Variants in TRIM44 observed in about 807,000 individuals in gnomAD.
The protein encoded by TRIM44 is tripartite motif containing 44.
TRIM44 carries 13 observed loss-of-function variants against 37.4 expected under a neutral mutation model. The ratio of observed to expected loss-of-function variants is 0.35; its 90% confidence interval spans 0.23 to 0.55. The LOEUF is 0.55. Ranked by LOEUF, TRIM44 falls within the 20% of genes least tolerant of loss-of-function variation. The probability of loss-of-function intolerance (pLI) is 0.89; values close to 1 mark genes in which losing one functional copy is unlikely to be tolerated. For missense variants in TRIM44, 426 were observed against 437.2 expected (o/e 0.97, Z 0.23); for synonymous variants, 175 against 157.2 (o/e 1.11, Z -0.85).
chr11:35,758,694 G>T (rs1241952719), intron 4 of TRIM44, among the ~76,000 whole-genome samples: 2 of 152,082 alleles, frequency 1.3e-5, no homozygotes, highest in Admixed American at 6.5e-5. Flanking sequence ...GGGCAGGCTT[G>T]TTGGTGACAA....
chr11:35,675,417 A>C (rs2135485737), intron 1 of TRIM44, among the ~76,000 whole-genome samples: 1 of 152,286 alleles, frequency 6.6e-6, no homozygotes, highest in African/African-American at 2.4e-5. Flanking sequence ...CAGAACCATG[A>C]AGTTACCAGA....
intron 4 of TRIM44, among the ~76,000 whole-genome samples, chr11:35,800,459 A>G (rs750984152): frequency 6.6e-6 from 1 of 152,054 alleles, no homozygotes; most frequent in Non-Finnish European, 1.5e-5. Flanking sequence ...TGATTCGTGC[A>G]TTTTTACAGA....
intron 4 of TRIM44, among the ~76,000 whole-genome samples, chr11:35,735,943 T>A (rs981932368): frequency 6.6e-6 from 1 of 152,208 alleles, no homozygotes; most frequent in Admixed American, 6.5e-5. Context: ...AAAAATGTTC[T>A]TTGTGCTTCT....
At chr11:35,784,085 AC>A (rs1467154650) in intron 4 of TRIM44, among the ~76,000 whole-genome samples, 2 of 152,148 alleles carry the variant, frequency 1.3e-5, no homozygotes, top group African/African-American at 4.8e-5. Context: ...ATGTGAACTC[AC>A]CTTTATGGCA....
At chr11:35,788,074 A>G (rs1314256612) in intron 4 of TRIM44, among the ~76,000 whole-genome samples, 1 of 152,066 alleles carries the variant, frequency 6.6e-6, no homozygotes, top group Admixed American at 6.6e-5. Flanking sequence ...CTGCATTTCT[A>G]CTGCTCCCCC....
In TRIM44 at chr11:35,788,094, A is replaced by G. The variant is rs116358327; in HGVS notation, c.1008-18264A>G. On this transcript the variant is annotated intron_variant, in intron 4 of 4. Transcript: ENST00000299413. ...TTTCTACTGCTCCCCCATGAACAGT[A>G]GAGCCACCAAGTTCCCCTTGGTCCT... Among the ~76,000 whole-genome samples, 1,441 of 152,282 alleles carry G rather than the reference A, an allele frequency of 9.5e-3. 29 individuals are homozygous for G. Among genetic ancestry groups the G allele is most frequent in the African/African-American group, 0.033 (1,360 of 41,548 alleles).
intron 4 of TRIM44, among the ~76,000 whole-genome samples, chr11:35,737,783 C>T (rs1852343755): frequency 6.6e-6 from 1 of 152,034 alleles, no homozygotes; most frequent in Admixed American, 6.6e-5. Flanking sequence ...TTGCAGTGAG[C>T]CGAGATTGTG....
chr11:35,670,820 G>A (rs1851385490), intron 1 of TRIM44, among the ~76,000 whole-genome samples: 1 of 152,166 alleles, frequency 6.6e-6, no homozygotes, highest in African/African-American at 2.4e-5. Context: ...TGTAAAGACT[G>A]GAGTAATATT....
chr11:35,724,745 G>C (rs1852149981), intron 2 of TRIM44, among the ~76,000 whole-genome samples: 1 of 152,112 alleles, frequency 6.6e-6, no homozygotes, highest in Admixed American at 6.5e-5. Context: ...TAATATATTT[G>C]CACCCATGAT....
rs186404455 is a variant in TRIM44, at chr11:35,772,717, C to A, written c.1008-33641C>A. Among the ~76,000 whole-genome samples, 3 of 152,308 alleles carry A rather than the reference C, an allele frequency of 2.0e-5. No individual in the cohort carries two copies. The East Asian group carries it at 5.8e-4, about 29-fold the overall frequency. On this transcript the variant is annotated intron_variant, in intron 4 of 4. Coordinates refer to ENST00000299413, the MANE Select transcript of TRIM44 (RefSeq NM_017583.6). Reference sequence around the variant, plus strand: ...AGGTAGAACTCAGTGTGCCTGTACCCCCATTGTATCTAGGAAGTAACTAAA... The same window carrying A: ...AGGTAGAACTCAGTGTGCCTGTACCACCATTGTATCTAGGAAGTAACTAAA...
chr11:35,799,511 A>C (rs148620645), intron 4 of TRIM44, among the ~76,000 whole-genome samples: 1 of 152,220 alleles, frequency 6.6e-6, no homozygotes, highest in East Asian at 1.9e-4. Context: ...CCATCTCTTC[A>C]TGGTAGGTGT....
At chr11:35,731,521 T>C (rs975202902) in intron 3 of TRIM44, among the ~76,000 whole-genome samples, 1 of 152,234 alleles carries the variant, frequency 6.6e-6, no homozygotes, top group African/African-American at 2.4e-5. Flanking sequence ...TATTGGTTTA[T>C]ATATTTTTAT....
rs939414512 is a variant in TRIM44, at chr11:35,814,574, C to T, written c.*8189C>T. 2.0e-5 allele frequency: 3 copies of T among 152,128 alleles called. No homozygotes were observed. Among genetic ancestry groups the T allele is most frequent in the African/African-American group, 7.2e-5 (3 of 41,434 alleles). The allele number at this position is 152,128 out of a possible 1,614,324, so 9.4% of individuals were successfully genotyped here. ...GCATGTGACTAGAACTATCTTTTCT[C>T]CCATGATGCACTGCTTTCAACACTG... On this transcript the variant is annotated 3_prime_UTR_variant, in exon 5 of 5. Transcript: ENST00000299413.
rs71916686 is a variant in TRIM44 at position 35,754,047 on chromosome 11, TA to T, written c.1007+18613del. 2.1e-3 allele frequency among the ~76,000 whole-genome samples: 300 copies of T among 144,970 alleles called. 2 individuals are homozygous for T. The highest frequency in any genetic ancestry group is 0.017 in the East Asian group (85 of 5,022). On this transcript the variant is annotated intron_variant, in intron 4 of 4. Coordinates refer to ENST00000299413, the MANE Select transcript of TRIM44 (RefSeq NM_017583.6). ...TGACCAAGTGAGACTGTCTCAAATT[TA>T]AAAAAAAAAAGAAAAAAAGAAATTT...
intron 2 of TRIM44, among the ~76,000 whole-genome samples, chr11:35,725,095 CA>C (rs1304850810): frequency 3.9e-5 from 6 of 152,008 alleles, no homozygotes; most frequent in Admixed American, 6.6e-5. Context: ...CACACACACA[CA>C]CACACACACC....
chr11:35,681,952 CTTTTTTT>C (rs35760830), intron 1 of TRIM44, among the ~76,000 whole-genome samples: 16 of 101,368 alleles, frequency 1.6e-4, no homozygotes, highest in East Asian at 6.0e-4. Flanking sequence ...ATGTCCCATA[CTTTTTTT>C]TTTTTTTTTT....
intron 2 of TRIM44, among the ~76,000 whole-genome samples, chr11:35,697,171 G>A (rs1364940204): frequency 6.7e-5 from 10 of 149,244 alleles, no homozygotes; most frequent in East Asian, 2.0e-4. Context: ...CCATTAACTC[G>A]TCATTTAGCA....
rs1471383468 is a variant in TRIM44 at position 35,812,937 on chromosome 11, C to CA, written c.*6556dup. 2 of 152,158 alleles carry CA rather than the reference C, an allele frequency of 1.3e-5. No individual in the cohort carries two copies. The highest frequency in any genetic ancestry group is 2.4e-5 in the African/African-American group (1 of 41,426). 9.4% of individuals were successfully genotyped at this position (152,158 alleles called of 1,614,324 possible). On this transcript the variant is annotated 3_prime_UTR_variant, in exon 5 of 5. Transcript: ENST00000299413. ...CATAAATAAGAAAATCAACGAGAGG[C>CA]AAAACCATGTCTTCTTTTGCTATAG... is the stretch of plus-strand genomic sequence containing the variant.
intron 1 of TRIM44, among the ~76,000 whole-genome samples, chr11:35,675,033 C>T (rs764584286): frequency 2.0e-5 from 3 of 152,186 alleles, no homozygotes; most frequent in African/African-American, 4.8e-5. Context: ...TTTATTGTAG[C>T]ACTAAATACT....
Sources: gnomAD v4.1 joint callset for allele counts (sites outside exome capture counted in the v4.1 genomes callset) on GRCh38, gnomAD v4.1.1 for gene constraint, MANE v1.5 for transcripts, NCBI Gene and HGNC (gene_info 2026-07-23, HGNC 2026-07-21) for gene names.